The following MLLT3 variants were observed in gnomAD, a reference collection of about 807,000 sequenced individuals.
MLLT3 encodes MLLT3 super elongation complex subunit, also known as protein AF-9.
Under a neutral mutation model 53.2 loss-of-function variants are expected in MLLT3, and 4 were observed. The ratio of observed to expected loss-of-function variants is 0.08; its 90% CI spans 0.04 to 0.17. MLLT3 has a LOEUF of 0.17. Ranked by LOEUF, MLLT3 falls within the 10% of genes least tolerant of loss-of-function variation. MLLT3 has a pLI of 1.00. For missense variants in MLLT3, 569 were observed against 684.0 expected, an observed-to-expected ratio of 0.83 and a Z score of 1.87; for synonymous variants, 283 against 230.6, an observed-to-expected ratio of 1.23 and a Z score of -2.06.
At chr9:20,472,986 C>G (rs986186184) in intron 2 of MLLT3, among the ~76,000 whole-genome samples, 18 of 151,740 alleles carry the variant, frequency 1.2e-4, no homozygotes, top group African/African-American at 4.4e-4. Context: ...GTCTCAGGAT[C>G]AGTAACACCA....
intron 2 of MLLT3, among the ~76,000 whole-genome samples, chr9:20,535,727 A>T (rs1818465272): frequency 6.6e-6 from 1 of 152,218 alleles, no homozygotes; most frequent in Non-Finnish European, 1.5e-5. Flanking sequence ...CACCAGAATT[A>T]AATTCAGTTC....
intron 4 of MLLT3, among the ~76,000 whole-genome samples, chr9:20,442,989 C>A (rs745539221): frequency 6.6e-6 from 1 of 152,124 alleles, no homozygotes; most frequent in Non-Finnish European, 1.5e-5. Flanking sequence ...GTTTTAACAA[C>A]TGCTGTGGTT....
At chr9:20,453,524 C>T (rs755253818) in intron 3 of MLLT3, among the ~76,000 whole-genome samples, 18 of 152,130 alleles carry the variant, frequency 1.2e-4, no homozygotes, top group Non-Finnish European at 2.2e-4. Flanking sequence ...GACTGCGCCA[C>T]TGTACTCCAG....
chr9:20,384,208 T>A (rs984825647), intron 5 of MLLT3, among the ~76,000 whole-genome samples: 2 of 152,030 alleles, frequency 1.3e-5, no homozygotes, highest in African/African-American at 4.8e-5. Flanking sequence ...TGCTGATTGC[T>A]TAATGGCAGA....
chr9:20,618,845 T>C (rs980919629), intron 2 of MLLT3, among the ~76,000 whole-genome samples: 1 of 152,246 alleles, frequency 6.6e-6, no homozygotes, highest in Admixed American at 6.5e-5. Context: ...TGATCATCTT[T>C]AATTTCATAA....
rs1333274218 is a variant in MLLT3 at position 20,367,589 on chromosome 9, A to G, written c.1126-1845T>C. 3.3e-5 allele frequency among the ~76,000 whole-genome samples: 5 copies of G among 152,214 alleles called. No homozygotes were observed. The East Asian group carries it at 9.6e-4, about 29-fold the overall frequency. ...AGTGTGCAAATATACCAATCATACC[A>G]ACAAACTTGAATTTTACATATTTAA... On this transcript the variant is annotated intron_variant, in intron 5 of 10. Transcript: ENST00000380338.
chr9:20,371,424 C>G (rs1821598290), intron 5 of MLLT3, among the ~76,000 whole-genome samples: 1 of 152,228 alleles, frequency 6.6e-6, no homozygotes, highest in Admixed American at 6.5e-5. Flanking sequence ...TAGGCTGACA[C>G]TCTTTTTAGA....
At chr9:20,529,642 T>C (rs1313338817) in intron 2 of MLLT3, among the ~76,000 whole-genome samples, 1 of 152,140 alleles carries the variant, frequency 6.6e-6, no homozygotes, top group East Asian at 1.9e-4. Context: ...CATGATTTTA[T>C]TTTTATATCA....
intron 2 of MLLT3, among the ~76,000 whole-genome samples, chr9:20,549,678 C>T (rs80069367): frequency 3.3e-5 from 5 of 152,332 alleles, no homozygotes; most frequent in South Asian, 2.1e-4. Flanking sequence ...TTAACCACTA[C>T]GCTGTACAGC....
At chr9:20,530,214 C>G (rs553064123) in intron 2 of MLLT3, among the ~76,000 whole-genome samples, 1 of 152,212 alleles carries the variant, frequency 6.6e-6, no homozygotes, top group Non-Finnish European at 1.5e-5. Flanking sequence ...ACTGATTTCA[C>G]AAATGAAGGA....
At chr9:20,380,164 C>T (rs1164496575) in intron 5 of MLLT3, 1 of 151,954 alleles carries the variant, frequency 6.6e-6, no homozygotes, top group Non-Finnish European at 1.5e-5. Flanking sequence ...GGTTACTAAT[C>T]ACTAAACAGA....
At chr9:20,356,460 G>A (rs747688219) in intron 8 of MLLT3, among the ~76,000 whole-genome samples, 2 of 152,040 alleles carry the variant, frequency 1.3e-5, no homozygotes, top group African/African-American at 2.4e-5. Flanking sequence ...GGAAAAATCA[G>A]CGCTGAGACC....
chr9:20,551,578 A>G (rs1224402736), intron 2 of MLLT3, among the ~76,000 whole-genome samples: 1 of 152,220 alleles, frequency 6.6e-6, no homozygotes, highest in Non-Finnish European at 1.5e-5. Context: ...TAATTCAAAA[A>G]CAAACCCAAG....
intron 2 of MLLT3, among the ~76,000 whole-genome samples, chr9:20,569,298 C>G (rs553890948): frequency 6.6e-6 from 1 of 152,070 alleles, no homozygotes; most frequent in South Asian, 2.1e-4. Flanking sequence ...TCGGAGAAAC[C>G]AGGTAACCTG....
chr9:20,561,550 T>C (rs1280678688), intron 2 of MLLT3, among the ~76,000 whole-genome samples: 1 of 152,154 alleles, frequency 6.6e-6, no homozygotes, highest in East Asian at 1.9e-4. Context: ...ACAATCTGTG[T>C]CCAAGTTTCC....
chr9:20,507,662 T>C (rs1266291411), intron 2 of MLLT3, among the ~76,000 whole-genome samples: 2 of 150,186 alleles, frequency 1.3e-5, no homozygotes, highest in Non-Finnish European at 3.0e-5. Flanking sequence ...ATTTGCTTAT[T>C]AACTTCCTCA....
intron 5 of MLLT3, among the ~76,000 whole-genome samples, chr9:20,372,270 G>A (rs1821625737): frequency 6.6e-6 from 1 of 152,204 alleles, no homozygotes; most frequent in African/African-American, 2.4e-5. Flanking sequence ...TAAAGCAGTG[G>A]CAGGGTTTGA....
intron 5 of MLLT3, among the ~76,000 whole-genome samples, chr9:20,387,767 G>A (rs1822078061): frequency 1.3e-5 from 2 of 152,138 alleles, no homozygotes; most frequent in African/African-American, 4.8e-5. Flanking sequence ...CTTAGAAAAG[G>A]CAGTTTGAGA....
intron 5 of MLLT3, among the ~76,000 whole-genome samples, chr9:20,405,070 C>T (rs7039983): frequency 1.4e-4 from 21 of 152,196 alleles, no homozygotes; most frequent in African/African-American, 4.8e-4. Context: ...TTGGAGCCCT[C>T]GTAGTAACAC....
Sources: gnomAD v4.1 joint callset for allele counts (sites outside exome capture counted in the v4.1 genomes callset) on GRCh38, gnomAD v4.1.1 for gene constraint, MANE v1.5 for transcripts, NCBI Gene and HGNC (gene_info 2026-07-23, HGNC 2026-07-21) for gene names.